APBA2: variants seen among roughly 807,000 people sequenced by gnomAD.
The protein encoded by APBA2 is amyloid-beta A4 precursor protein-binding family A member 2.
A neutral mutation model predicts 75.0 loss-of-function variants in APBA2; 30 were observed. The observed-to-expected ratio is 0.40, with a 90% CI of 0.30 to 0.54. The LOEUF (loss-of-function observed/expected upper bound fraction) is 0.54, where lower values mean the gene tolerates loss of function less well. APBA2 is among the 20% of genes least tolerant of loss of function. APBA2 has a pLI of 0.49. For missense variants in APBA2, 801 were observed against 1,016.1 expected, an observed-to-expected ratio of 0.79 and a Z score of 2.88; for synonymous variants, 444 against 409.6, an observed-to-expected ratio of 1.08 and a Z score of -1.01.
intron 4 of APBA2, among the ~76,000 whole-genome samples, chr15:29,057,025 GCCA>G (rs1250216233): frequency 6.6e-6 from 1 of 152,122 alleles, no homozygotes; most frequent in African/African-American, 2.4e-5. Flanking sequence ...CGTGCCAGGA[GCCA>G]ACAAAGGCCT....
intron 3 of APBA2, among the ~76,000 whole-genome samples, chr15:29,006,646 A>G (rs1225546354): frequency 2.0e-5 from 3 of 152,186 alleles, no homozygotes; most frequent in Non-Finnish European, 4.4e-5. Context: ...AGCAGGCAAG[A>G]GAGCTTGTGC....
chr15:28,897,617 C>CAAAA (rs370287342), intron 1 of APBA2, among the ~76,000 whole-genome samples: 3,805 of 77,900 alleles, frequency 0.049, 399 homozygotes, highest in African/African-American at 0.17. Context: ...GATTCCGTCT[C>CAAAA]AAAAAAAAAA....
At chr15:29,089,970 G>C (rs1462612678) in intron 6 of APBA2, among the ~76,000 whole-genome samples, 2 of 152,070 alleles carry the variant, frequency 1.3e-5, no homozygotes, top group Non-Finnish European at 2.9e-5. Context: ...ATTTTCTAAC[G>C]AAGCTGTTAG....
chr15:28,973,067 A>G (rs1396628397), intron 2 of APBA2, among the ~76,000 whole-genome samples: 1 of 152,240 alleles, frequency 6.6e-6, no homozygotes, highest in Non-Finnish European at 1.5e-5. Context: ...ACTGAGGCAC[A>G]TGTGTTTATT....
At chr15:28,998,137 T>A (rs2038633926) in intron 3 of APBA2, among the ~76,000 whole-genome samples, 1 of 152,144 alleles carries the variant, frequency 6.6e-6, no homozygotes. Flanking sequence ...TTTCATAGGA[T>A]AATTTGTGAA....
At chr15:28,912,799 G>A (rs1198075684) in intron 1 of APBA2, among the ~76,000 whole-genome samples, 1 of 152,152 alleles carries the variant, frequency 6.6e-6, no homozygotes, top group East Asian at 1.9e-4. Flanking sequence ...TTTTTCCCTA[G>A]GTGTTTTACT....
At chr15:28,933,409 T>C (rs888261769) in intron 2 of APBA2, among the ~76,000 whole-genome samples, 15 of 152,174 alleles carry the variant, frequency 9.9e-5, no homozygotes, top group African/African-American at 3.4e-4. Context: ...GCACGGAATC[T>C]GCTGGCTCTC....
At chr15:28,989,472 C>A (rs1015677600) in intron 2 of APBA2, among the ~76,000 whole-genome samples, 1 of 152,188 alleles carries the variant, frequency 6.6e-6, no homozygotes, top group East Asian at 1.9e-4. Flanking sequence ...TGTGGCCACA[C>A]GGGGCTGTAT....
intron 4 of APBA2, among the ~76,000 whole-genome samples, chr15:29,069,268 C>G (rs1428225579): frequency 1.3e-5 from 2 of 152,220 alleles, no homozygotes; most frequent in Non-Finnish European, 2.9e-5. Flanking sequence ...CACTGATGGA[C>G]ATTTGAGTTG....
chr15:29,093,582 C>T (rs1412594621), intron 7 of APBA2, among the ~76,000 whole-genome samples: 2 of 152,232 alleles, frequency 1.3e-5, no homozygotes, highest in Non-Finnish European at 2.9e-5. Flanking sequence ...AAATAAATCA[C>T]GTTTTATTTA....
intron 6 of APBA2, among the ~76,000 whole-genome samples, chr15:29,085,375 A>G (rs1475297668): frequency 6.6e-6 from 1 of 152,024 alleles, no homozygotes; most frequent in Non-Finnish European, 1.5e-5. Flanking sequence ...AATACAAAAA[A>G]TTAGCCAGGC....
chr15:29,024,516 T>C (rs1050856075), intron 3 of APBA2, among the ~76,000 whole-genome samples: 4 of 152,174 alleles, frequency 2.6e-5, no homozygotes, highest in Non-Finnish European at 4.4e-5. Flanking sequence ...ATTACACCTC[T>C]CTATTGCAGA....
At chr15:29,061,976 G>T (rs1371973454) in intron 4 of APBA2, among the ~76,000 whole-genome samples, 1 of 152,156 alleles carries the variant, frequency 6.6e-6, no homozygotes, top group African/African-American at 2.4e-5. Flanking sequence ...GCACAGAGGG[G>T]CTTTGGGGCT....
At chr15:28,928,651 G>A (rs550532297) in intron 2 of APBA2, among the ~76,000 whole-genome samples, 25 of 152,312 alleles carry the variant, frequency 1.6e-4, no homozygotes, top group Admixed American at 1.2e-3. Flanking sequence ...TTGCAACAAG[G>A]TTCTGGTAAA....
chr15:29,078,624 AC>A (rs1359032863), intron 6 of APBA2, among the ~76,000 whole-genome samples: 13 of 151,300 alleles, frequency 8.6e-5, no homozygotes, highest in Non-Finnish European at 1.3e-4. Context: ...AAAAAAAAAA[AC>A]AAAACAAAAA....
intron 3 of APBA2, among the ~76,000 whole-genome samples, chr15:29,052,533 C>CT (rs2041652911): frequency 6.6e-6 from 1 of 151,758 alleles, no homozygotes; most frequent in Admixed American, 6.6e-5. Flanking sequence ...TAGCCCCTTG[C>CT]TTTCCCCCAG....
At chr15:28,914,401 G>A (rs1450134890) in intron 1 of APBA2, among the ~76,000 whole-genome samples, 7 of 152,196 alleles carry the variant, frequency 4.6e-5, no homozygotes, top group African/African-American at 1.7e-4. Context: ...GAAGGATTCA[G>A]AATTGCAGAA....
chr15:28,915,702 C>T (rs1284984471), intron 1 of APBA2, among the ~76,000 whole-genome samples: 4 of 151,504 alleles, frequency 2.6e-5, no homozygotes, highest in East Asian at 1.9e-4. Flanking sequence ...ACACCCCATA[C>T]ATACCATATA....
intron 8 of APBA2, among the ~76,000 whole-genome samples, chr15:29,096,362 A>G (rs965098807): frequency 6.6e-5 from 10 of 152,178 alleles, no homozygotes; most frequent in African/African-American, 2.4e-4. Context: ...CTCTTCTCCC[A>G]TCCAGGGATC....
Sources: gnomAD v4.1 joint callset for allele counts (sites outside exome capture counted in the v4.1 genomes callset) on GRCh38, gnomAD v4.1.1 for gene constraint, MANE v1.5 for transcripts, NCBI Gene and HGNC (gene_info 2026-07-23, HGNC 2026-07-21) for gene names.